The following NHS variants were observed in gnomAD, a reference collection of about 807,000 sequenced individuals.
The protein encoded by NHS is NHS actin remodeling regulator, also known as actin remodeling regulator NHS.
In NHS, 5 loss-of-function variants were observed where a neutral mutation model predicts 72.5. The observed-to-expected ratio is 0.07, with a 90% confidence interval of 0.04 to 0.14. The LOEUF (loss-of-function observed/expected upper bound fraction) is 0.14, where lower values mean the gene tolerates loss of function less well. NHS is among the 10% of genes least tolerant of loss of function. The pLI is 1.00. For synonymous variants in NHS, 464 were observed against 547.7 expected (o/e 0.85, Z 2.13); for missense variants, 1,072 against 1,355.7 (o/e 0.79, Z 3.29).
At chrX:17,537,248 C>T (rs990560562) in intron 1 of NHS, among the ~76,000 whole-genome samples, 7 of 111,898 alleles carry the variant, frequency 6.3e-5, no homozygotes, top group South Asian at 7.5e-4. Context: ...CAGCTAAGTT[C>T]GATCAAAAGC....
Position 17,730,627 on chromosome X carries a change from T to C in NHS, c.4350-1231T>C, listed in dbSNP as rs1332953050. ...TCATACTGAAGATCCACCAAATTTATGCCTGCTGATTTACCAAAGAAAATC... is the reference window on the plus strand; with the variant it reads ...TCATACTGAAGATCCACCAAATTTACGCCTGCTGATTTACCAAAGAAAATC... On this transcript the variant is annotated intron_variant, in intron 8 of 8. Transcript: ENST00000676302. 2.7e-5 allele frequency among the ~76,000 whole-genome samples: 3 copies of C among 112,551 alleles called. No homozygotes were observed. In the East Asian group the frequency reaches 8.4e-4, roughly 31 times the overall value.
intron 1 of NHS, among the ~76,000 whole-genome samples, chrX:17,550,343 A>G (rs1465182712): frequency 8.9e-6 from 1 of 112,328 alleles, no homozygotes; most frequent in South Asian, 3.7e-4. Context: ...TCAAGATTCT[A>G]ACTCACTAAA....
chrX:17,571,319 G>A (rs917314009), intron 1 of NHS, among the ~76,000 whole-genome samples: 4 of 112,040 alleles, frequency 3.6e-5, no homozygotes, highest in Non-Finnish European at 7.5e-5. Flanking sequence ...TTGATTGGTA[G>A]GCTAGTAATT....
intron 1 of NHS, among the ~76,000 whole-genome samples, chrX:17,415,130 C>G (rs888824457): frequency 9.0e-6 from 1 of 111,536 alleles, no homozygotes; most frequent in African/African-American, 3.3e-5. Context: ...TGTTCTCTGC[C>G]GGGACACTGG....
chrX:17,577,578 T>G (rs28478063), intron 1 of NHS, among the ~76,000 whole-genome samples: 2 of 111,741 alleles, frequency 1.8e-5, no homozygotes, highest in Non-Finnish European at 3.8e-5. Context: ...GGATTAAATA[T>G]CCACTTTAAA....
chrX:17,612,011 C>G (rs188600090), intron 1 of NHS, among the ~76,000 whole-genome samples: 1 of 108,280 alleles, frequency 9.2e-6, no homozygotes, highest in Admixed American at 9.9e-5. Context: ...CCTCACCCCC[C>G]TCCACAGACA....
At chrX:17,592,340 G>A (rs2065606644) in intron 1 of NHS, among the ~76,000 whole-genome samples, 2 of 111,856 alleles carry the variant, frequency 1.8e-5, no homozygotes, top group Non-Finnish European at 3.8e-5. Context: ...TTTAGCTTTT[G>A]TGTCAGCCCT....
At chrX:17,707,010 C>A (rs1208443578) in intron 3 of NHS, among the ~76,000 whole-genome samples, 1 of 112,081 alleles carries the variant, frequency 8.9e-6, no homozygotes, top group Non-Finnish European at 1.9e-5. Flanking sequence ...GAAACATCTC[C>A]TTTTTCTGCT....
At chrX:17,406,710 A>G (rs2064530997) in intron 1 of NHS, among the ~76,000 whole-genome samples, 1 of 111,845 alleles carries the variant, frequency 8.9e-6, no homozygotes, top group Non-Finnish European at 1.9e-5. Flanking sequence ...CTACTGTTGC[A>G]CTCTCAGGAA....
At chrX:17,599,423 T>C (rs1185310686) in intron 1 of NHS, among the ~76,000 whole-genome samples, 1 of 106,456 alleles carries the variant, frequency 9.4e-6, no homozygotes, top group Non-Finnish European at 1.9e-5. Context: ...GGTGGCAGAA[T>C]TTTTTTTTTG....
At chrX:17,537,252 C>G (rs967671493) in intron 1 of NHS, among the ~76,000 whole-genome samples, 27 of 112,075 alleles carry the variant, frequency 2.4e-4, no homozygotes, top group Admixed American at 2.1e-3. Flanking sequence ...TAAGTTCGAT[C>G]AAAAGCACCA....
At chrX:17,463,002 CTG>C (rs1217589420) in intron 1 of NHS, among the ~76,000 whole-genome samples, 1 of 111,979 alleles carries the variant, frequency 8.9e-6, no homozygotes, top group African/African-American at 3.2e-5. Context: ...TTGGAGCTGA[CTG>C]TGCACTGCCC....
intron 1 of NHS, among the ~76,000 whole-genome samples, chrX:17,491,710 T>C (rs1271811309): frequency 9.1e-6 from 1 of 109,666 alleles, no homozygotes. Context: ...AGCTCCTCCT[T>C]GTATCTCTGG....
intron 1 of NHS, among the ~76,000 whole-genome samples, chrX:17,537,982 CG>C (rs2065237355): frequency 8.9e-6 from 1 of 111,967 alleles, no homozygotes; most frequent in Non-Finnish European, 1.9e-5. Flanking sequence ...GAGCCAGCCA[CG>C]GGCAGGAGGG....
At chrX:17,495,643 C>T (rs1272154819) in intron 1 of NHS, among the ~76,000 whole-genome samples, 3 of 111,853 alleles carry the variant, frequency 2.7e-5, no homozygotes, top group Non-Finnish European at 5.6e-5. Flanking sequence ...GAGGCTAGGT[C>T]TTCTCAGTCA....
intron 1 of NHS, among the ~76,000 whole-genome samples, chrX:17,551,210 G>C (rs1235958677): frequency 9.0e-6 from 1 of 111,533 alleles, no homozygotes. Flanking sequence ...CTAGAGTGTA[G>C]GTTCCATGGG....
Position 17,522,506 on chromosome X carries a change from C to G in NHS, c.565+146184C>G, listed in dbSNP as rs1278309036. On this transcript the variant is annotated intron_variant, in intron 1 of 8. Coordinates refer to ENST00000676302, the MANE Select transcript of NHS (RefSeq NM_001291867.2). ...TAGCCAGAAGCCGCCCCCCCCCCCC[C>G]GCCCCATCCCCCCCATCCGGAAGCA... Among the ~76,000 whole-genome samples, 155 of 67,063 alleles carry G rather than the reference C, an allele frequency of 2.3e-3. 4 individuals carry two copies. The highest frequency in any genetic ancestry group is 3.7e-3 in the Non-Finnish European group (117 of 31,740). The allele number at this position is 67,063 out of a possible 115,157, so 58.2% of individuals were successfully genotyped here. A position where few individuals can be genotyped will look rare whatever the true frequency, so the allele number is the denominator to read the frequency against.
chrX:17,406,587 A>G (rs1306976109), intron 1 of NHS, among the ~76,000 whole-genome samples: 1 of 111,532 alleles, frequency 9.0e-6, no homozygotes, highest in Non-Finnish European at 1.9e-5. Context: ...AGCAGTGTCT[A>G]GGTGGAGTTG....
At chrX:17,692,951 C>CA (rs2066206385) in intron 3 of NHS, among the ~76,000 whole-genome samples, 1 of 111,802 alleles carries the variant, frequency 8.9e-6, no homozygotes, top group Non-Finnish European at 1.9e-5. Flanking sequence ...ACAGCTGCCA[C>CA]TACTGTTATT....
Sources: gnomAD v4.1 joint callset for allele counts (sites outside exome capture counted in the v4.1 genomes callset) on GRCh38, gnomAD v4.1.1 for gene constraint, MANE v1.5 for transcripts, NCBI Gene and HGNC (gene_info 2026-07-23, HGNC 2026-07-21) for gene names.